MALRD1: variants seen among roughly 807,000 people sequenced by gnomAD.
MALRD1 encodes the protein MAM and LDL receptor class A domain containing 1, also known as MAM and LDL-receptor class A domain-containing protein 1.
Under a neutral mutation model 242.1 loss-of-function variants are expected in MALRD1, and 247 were observed. The observed-to-expected ratio is 1.02, with a 90% CI of 0.92 to 1.13. The LOEUF is 1.13. Among genes scored for constraint, MALRD1 ranks in the 50% most tolerant of loss-of-function variants. MALRD1 has a pLI of 0.00. For synonymous variants in MALRD1, 995 were observed against 866.6 expected (o/e 1.15, Z -2.60); for missense variants, 2,989 against 2,533.1 (o/e 1.18, Z -3.86).
In MALRD1 at chr10:19,335,979, A is replaced by T. The variant is rs1205517152; in HGVS notation, c.3901+4397A>T. Among the ~76,000 whole-genome samples the T allele has an allele frequency of 3.9e-5, 6 of 152,142 alleles. No homozygotes were observed. The South Asian group carries it at 1.0e-3, about 26-fold the overall frequency. On this transcript the variant is annotated intron_variant, in intron 24 of 39. Coordinates refer to ENST00000454679, the MANE Select transcript of MALRD1 (RefSeq NM_001142308.3). ...AGCCCCCCACCCGCCGACAGCCAAT[A>T]ACAGACAGAGAGCCAAATCATGAGT...
chr10:19,354,211 G>A (rs1367036597), intron 26 of MALRD1, among the ~76,000 whole-genome samples: 2 of 152,056 alleles, frequency 1.3e-5, no homozygotes, highest in East Asian at 3.9e-4. Flanking sequence ...GTACAAAATA[G>A]TATTGATTAT....
chr10:19,660,754 A>G (rs1380807912), intron 36 of MALRD1, among the ~76,000 whole-genome samples: 2 of 152,080 alleles, frequency 1.3e-5, no homozygotes, highest in East Asian at 1.9e-4. Context: ...ACTTCCTTAC[A>G]TTTTCATAAA....
chr10:19,087,711 C>A (rs1047704577), intron 2 of MALRD1, 129 bp from the exon 3 acceptor site: 4 of 428,330 alleles, frequency 9.3e-6, no homozygotes, highest in Non-Finnish European at 1.6e-5. Context: ...TCCAATCACG[C>A]TCTTTTAGTT....
At chr10:19,710,339 G>C (rs1263373243) in intron 38 of MALRD1, 1 of 151,798 alleles carries the variant, frequency 6.6e-6, no homozygotes. Context: ...TTTTAAAAAA[G>C]TAATAATCAT....
intron 29 of MALRD1, among the ~76,000 whole-genome samples, chr10:19,485,989 AGGT>A (rs1837221083): frequency 1.3e-5 from 2 of 152,178 alleles, no homozygotes; most frequent in South Asian, 2.1e-4. Context: ...ATAAATATAA[AGGT>A]AGAGAAAATA....
At chr10:19,540,907 G>A (rs536905109) in intron 32 of MALRD1, among the ~76,000 whole-genome samples, 1 of 152,226 alleles carries the variant, frequency 6.6e-6, no homozygotes, top group East Asian at 1.9e-4. Context: ...TTGATGCCAG[G>A]AATTTGAGAC....
At chr10:19,247,706 A>C (rs1392779810) in intron 18 of MALRD1, among the ~76,000 whole-genome samples, 2 of 152,114 alleles carry the variant, frequency 1.3e-5, no homozygotes, top group African/African-American at 2.4e-5. Flanking sequence ...AAGGAAGTCA[A>C]ATTTGAAGAG....
intron 32 of MALRD1, among the ~76,000 whole-genome samples, chr10:19,560,851 C>A (rs1835933015): frequency 6.6e-6 from 1 of 151,972 alleles, no homozygotes; most frequent in Non-Finnish European, 1.5e-5. Context: ...AGAGAAATAC[C>A]TAATGTAGAT....
At chr10:19,355,615 A>G (rs929007250) in intron 26 of MALRD1, among the ~76,000 whole-genome samples, 1 of 151,046 alleles carries the variant, frequency 6.6e-6, no homozygotes, top group Non-Finnish European at 1.5e-5. Context: ...CTTACATTCA[A>G]GCAGATAACA....
chr10:19,096,353 C>T (rs961992986), intron 4 of MALRD1, among the ~76,000 whole-genome samples: 1 of 152,118 alleles, frequency 6.6e-6, no homozygotes, highest in Non-Finnish European at 1.5e-5. Flanking sequence ...TTAAATGTAC[C>T]AGTGGCTTCA....
chr10:19,208,458 C>T (rs1836886020), intron 17 of MALRD1, among the ~76,000 whole-genome samples: 1 of 152,042 alleles, frequency 6.6e-6, no homozygotes, highest in South Asian at 2.1e-4. Flanking sequence ...GGTATAGATT[C>T]TATGAGCATA....
chr10:19,154,824 C>A (rs982679126), intron 11 of MALRD1, among the ~76,000 whole-genome samples: 1 of 152,092 alleles, frequency 6.6e-6, no homozygotes, highest in African/African-American at 2.4e-5. Context: ...ATAAATGAAG[C>A]CAACAGAAAT....
chr10:19,667,890 G>A (rs1366668616), intron 36 of MALRD1, among the ~76,000 whole-genome samples: 2 of 152,124 alleles, frequency 1.3e-5, no homozygotes, highest in African/African-American at 2.4e-5. Context: ...TGGTTCTGGA[G>A]GCTGAGAAGT....
chr10:19,492,954 T>C (rs1424278850), intron 30 of MALRD1, among the ~76,000 whole-genome samples: 1 of 152,158 alleles, frequency 6.6e-6, no homozygotes, highest in East Asian at 1.9e-4. Context: ...TCATTTTCTA[T>C]TTAAAATTTT....
chr10:19,297,152 C>T (rs551354844), intron 21 of MALRD1, among the ~76,000 whole-genome samples: 2 of 150,298 alleles, frequency 1.3e-5, no homozygotes, highest in South Asian at 2.1e-4. Flanking sequence ...TACTGTATTT[C>T]ATGTGTTTTT....
chr10:19,531,264 T>G lies in MALRD1; in HGVS notation c.5391T>G (p.Thr1797=). 1 of 1,550,478 alleles carries G rather than the reference T, an allele frequency of 6.4e-7. No individual in the cohort carries two copies. The highest frequency in any genetic ancestry group is 8.7e-7 in the Non-Finnish European group (1 of 1,146,910). ...SKEGSVARIT[T]SKSFPASLGM... The stretch of plus-strand genomic sequence containing the variant: ...AAGGATCCGTTGCCAGAATTACTAC[T>G]TCCAAATCCTTCCCAGCAAGCCTTG... Residue 1797 remains threonine, a synonymous_variant, in exon 32 of 40, where the codon ACT becomes ACG. Coordinates refer to ENST00000454679, the MANE Select transcript of MALRD1 (RefSeq NM_001142308.3).
At chr10:19,135,592 G>A (rs1462390134) in intron 9 of MALRD1, among the ~76,000 whole-genome samples, 1 of 152,164 alleles carries the variant, frequency 6.6e-6, no homozygotes, top group African/African-American at 2.4e-5. Flanking sequence ...TCTGCCTAAT[G>A]GAAATGCTTT....
chr10:19,530,439 A>AATATTATATAATTATATAATTATAAATAT (rs1468184871), intron 31 of MALRD1, among the ~76,000 whole-genome samples: 1 of 90,710 alleles, frequency 1.1e-5, no homozygotes, highest in Non-Finnish European at 2.1e-5. Flanking sequence ...AATATATATA[A>AATATTATATAATTATATAATTATAAATAT]TATATAATAT....
chr10:19,237,000 T>A (rs910959962), intron 18 of MALRD1, among the ~76,000 whole-genome samples: 12 of 152,022 alleles, frequency 7.9e-5, no homozygotes, highest in Non-Finnish European at 1.5e-4. Context: ...ATTTATTTTT[T>A]AAAAATTTTC....
Sources: allele counts gnomAD v4.1 joint callset (sites outside exome capture counted in the v4.1 genomes callset), GRCh38; gene constraint gnomAD v4.1.1; transcripts MANE v1.5; gene names NCBI Gene and HGNC (gene_info 2026-07-23, HGNC 2026-07-21).